Variants in OR7E24 observed in about 807,000 individuals in gnomAD.
OR7E24 encodes the protein olfactory receptor family 7 subfamily E member 24.
For synonymous variants in OR7E24, 130 were observed against 157.5 expected, an observed-to-expected ratio of 0.83 and a Z score of 1.31; for missense variants, 385 against 410.3, an observed-to-expected ratio of 0.94 and a Z score of 0.53.
chr19:9,238,178 G>A, the OR7E24 span, among the ~76,000 whole-genome samples: 1 of 152,160 alleles, frequency 6.6e-6, no homozygotes, highest in Non-Finnish European at 1.5e-5. Context: ...GGAGGCAGAG[G>A]CACGAGAATG....
In OR7E24 at chr19:9,251,289, C is replaced by A. The variant is rs2066145955; in HGVS notation, c.246C>A (p.Ser82=). Residue 82 remains serine (S), a synonymous_variant, in exon 1 of 1, where the codon TCC becomes TCA. Transcript: ENST00000456448. ...ACACCCCCATGTACTTCTTCCTCTC[C>A]AACCTGTCCTTGGCTGACATCGGTT... ...HLHTPMYFFL[S]NLSLADIGFT... 1.2e-6 allele frequency: 2 copies of A among 1,614,108 alleles called. No homozygotes were observed. Among genetic ancestry groups the A allele is most frequent in the Non-Finnish European group, 1.7e-6 (2 of 1,180,006 alleles).
rs752684222 is a variant in OR7E24 at position 9,251,119 on chromosome 19, G to T, written c.76G>T (p.Gly26Cys). ...CTACACAGAGCCACAGAATCTCACA[G>T]GTGTCTCAGAATTCCTCCTCCTGGG... ...PSYTEPQNLT[G>C]VSEFLLLGLS... The change falls in exon 1 of 1, where the codon GGT becomes TGT. Residue 26 changes from glycine (G) to cysteine (C), a missense_variant. Physicochemically the swap from Gly to Cys is radical, Grantham distance 159 (BLOSUM62 -3). Coordinates refer to ENST00000456448, the MANE Select transcript of OR7E24 (RefSeq NM_001079935.2). 8 of 1,613,176 alleles carry T rather than the reference G, an allele frequency of 5.0e-6. No individual in the cohort carries two copies. The highest frequency in any genetic ancestry group is 5.1e-6 in the Non-Finnish European group (6 of 1,179,492).
chr19:9,217,118 A>G, the OR7E24 span, among the ~76,000 whole-genome samples: 1 of 152,138 alleles, frequency 6.6e-6, no homozygotes, highest in Non-Finnish European at 1.5e-5. Flanking sequence ...TCCAAGAAGT[A>G]ACAAAAGCCT....
chr19:9,235,339 T>C, the OR7E24 span: 7 of 1,342,970 alleles, frequency 5.2e-6, no homozygotes, highest in Admixed American at 6.7e-5. Flanking sequence ...CCTCTCCAAC[T>C]TGTCCTTTGT....
chr19:9,244,687 C>A (rs1599232419), upstream of OR7E24, among the ~76,000 whole-genome samples: 1 of 152,252 alleles, frequency 6.6e-6, no homozygotes, highest in East Asian at 1.9e-4. Flanking sequence ...TTAGTGATTT[C>A]TTGAATATGT....
At chr19:9,211,306 A>T in the OR7E24 span, 2 of 152,244 alleles carry the variant, frequency 1.3e-5, no homozygotes, top group Non-Finnish European at 2.9e-5. Context: ...ACCCTGGCTG[A>T]CATCTGATTG....
the OR7E24 span, among the ~76,000 whole-genome samples, chr19:9,231,458 T>C: frequency 6.6e-6 from 1 of 152,146 alleles, no homozygotes; most frequent in Non-Finnish European, 1.5e-5. Flanking sequence ...CGCATGCCTG[T>C]AGTCCCAGCT....
the OR7E24 span, chr19:9,235,503 T>G: frequency 1.3e-6 from 2 of 1,586,752 alleles, no homozygotes; most frequent in Non-Finnish European, 1.7e-6. Context: ...TGATAGCCTA[T>G]GACCGGTTTG....
At chr19:9,235,338 C>T in the OR7E24 span, 2 of 1,342,106 alleles carry the variant, frequency 1.5e-6, no homozygotes, top group Non-Finnish European at 2.1e-6. Flanking sequence ...TCCTCTCCAA[C>T]TTGTCCTTTG....
At chr19:9,242,349 C>T (rs1238859071), upstream of OR7E24, among the ~76,000 whole-genome samples, 3 of 152,144 alleles carry the variant, frequency 2.0e-5, no homozygotes, top group Admixed American at 1.3e-4. Context: ...CGGGTTCAAG[C>T]AATTCTTGTG....
upstream of OR7E24, among the ~76,000 whole-genome samples, chr19:9,250,416 G>C (rs2066141998): frequency 2.0e-5 from 3 of 152,190 alleles, no homozygotes; most frequent in South Asian, 6.2e-4. Context: ...AAAACTCCAA[G>C]TCCACCTAAG....
the OR7E24 span, chr19:9,235,548 C>T: frequency 1.3e-6 from 2 of 1,550,568 alleles, no homozygotes; most frequent in Non-Finnish European, 8.9e-7. Context: ...ACATGGTCAT[C>T]ATAAACCCCC....
At chr19:9,234,327 C>T in the OR7E24 span, among the ~76,000 whole-genome samples, 1 of 152,018 alleles carries the variant, frequency 6.6e-6, no homozygotes, top group Admixed American at 6.6e-5. Flanking sequence ...GTGATATATC[C>T]AAAATAACTA....
upstream of OR7E24, chr19:9,250,927 A>T: frequency 1.4e-6 from 1 of 735,356 alleles, no homozygotes; most frequent in Non-Finnish European, 2.2e-6. Flanking sequence ...ACTCTAAGGA[A>T]ATTGGGTTTG....
At chr19:9,233,395 C>T in the OR7E24 span, among the ~76,000 whole-genome samples, 1 of 152,066 alleles carries the variant, frequency 6.6e-6, no homozygotes, top group Non-Finnish European at 1.5e-5. Context: ...TGTTGATGAT[C>T]GACTCTACTG....
At chr19:9,238,586 A>G in the OR7E24 span, among the ~76,000 whole-genome samples, 1 of 152,164 alleles carries the variant, frequency 6.6e-6, no homozygotes, top group African/African-American at 2.4e-5. Flanking sequence ...ACAATTTGTT[A>G]TTAACTATAT....
upstream of OR7E24, among the ~76,000 whole-genome samples, chr19:9,248,097 T>C (rs866440697): frequency 2.0e-5 from 3 of 152,210 alleles, no homozygotes; most frequent in Admixed American, 6.5e-5. Flanking sequence ...CCCATGCTGA[T>C]TGAACTTCCC....
the OR7E24 span, among the ~76,000 whole-genome samples, chr19:9,217,693 T>C: frequency 6.6e-6 from 1 of 152,076 alleles, no homozygotes; most frequent in African/African-American, 2.4e-5. Flanking sequence ...TGTGTGCCAC[T>C]ACGCTCAGCT....
chr19:9,207,291 T>G, the OR7E24 span: 3 of 152,186 alleles, frequency 2.0e-5, no homozygotes, highest in African/African-American at 7.2e-5. Context: ...TTTTAAAAAT[T>G]TGTTTAGTTT....
Sources: allele counts gnomAD v4.1 joint callset (sites outside exome capture counted in the v4.1 genomes callset), GRCh38; gene constraint gnomAD v4.1.1; transcripts MANE v1.5; gene names NCBI Gene and HGNC (gene_info 2026-07-23, HGNC 2026-07-21).